Variants in IL12RB2 observed in about 807,000 individuals in gnomAD.
IL12RB2 encodes interleukin-12 receptor subunit beta-2.
IL12RB2 carries 82 observed loss-of-function variants against 89.4 expected under a neutral mutation model. The observed-to-expected ratio is 0.92, with a 90% CI of 0.77 to 1.10. The LOEUF is 1.10. Among genes scored for constraint, IL12RB2 ranks in the 50% least tolerant of loss-of-function variants. The pLI, the probability that IL12RB2 is intolerant of heterozygous loss-of-function variation, is 0.00. For synonymous variants in IL12RB2, 368 were observed against 370.1 expected (o/e 0.99, Z 0.07); for missense variants, 963 against 1,031.9 (o/e 0.93, Z 0.92).
chr1:67,351,446 C>G (rs1394810851), intron 10 of IL12RB2, among the ~76,000 whole-genome samples: 1 of 152,092 alleles, frequency 6.6e-6, no homozygotes, highest in Non-Finnish European at 1.5e-5. Context: ...TTTATAGAAG[C>G]AGGAGAAATA....
intron 10 of IL12RB2, among the ~76,000 whole-genome samples, chr1:67,365,366 A>T (rs1260454167): frequency 6.6e-6 from 1 of 152,188 alleles, no homozygotes; most frequent in Non-Finnish European, 1.5e-5. Flanking sequence ...CTTTAAAAAG[A>T]TCAATAAAAT....
chr1:67,371,287 T>G (rs957585947), intron 11 of IL12RB2, among the ~76,000 whole-genome samples: 7 of 152,246 alleles, frequency 4.6e-5, no homozygotes, highest in African/African-American at 1.7e-4. Flanking sequence ...TGGTCTCTTC[T>G]GACAGCACTG....
intron 9 of IL12RB2, among the ~76,000 whole-genome samples, chr1:67,341,554 AG>A (rs1226187851): frequency 0.1 from 1,571 of 15,576 alleles, 13 homozygotes; most frequent in Non-Finnish European, 0.1. Flanking sequence ...AAAGAAAGAA[AG>A]AAAGAAAGAA....
chr1:67,309,818 A>G (rs1377907147), intron 1 of IL12RB2, among the ~76,000 whole-genome samples: 1 of 152,118 alleles, frequency 6.6e-6, no homozygotes, highest in East Asian at 1.9e-4. Context: ...TTTGTTCTCT[A>G]CCAAATTATT....
At chr1:67,349,866 C>T (rs1448030866) in intron 9 of IL12RB2, among the ~76,000 whole-genome samples, 2 of 152,200 alleles carry the variant, frequency 1.3e-5, no homozygotes, top group Admixed American at 1.3e-4. Flanking sequence ...CCAATTTATT[C>T]ACTTAAAGTG....
At chr1:67,366,931 A>G (rs939759308) in intron 10 of IL12RB2, among the ~76,000 whole-genome samples, 1 of 152,224 alleles carries the variant, frequency 6.6e-6, no homozygotes, top group African/African-American at 2.4e-5. Flanking sequence ...AAAAAGAAAA[A>G]GCATTAGATT....
chr1:67,350,864 T>C lies in IL12RB2; in HGVS notation c.1039-6T>C, dbSNP rs375254411. 28 of 1,613,818 alleles carry C rather than the reference T, an allele frequency of 1.7e-5. No homozygotes were observed. The African/African-American group carries it at 3.7e-4, about 22-fold the overall frequency. On this transcript the variant is annotated splice_polypyrimidine_tract_variant and splice_region_variant and intron_variant, in intron 9 of 16. Transcript: ENST00000674203. ...GTAAATAGTGAATAAATGTGTCTTG[T>C]TGCAGAATCTGAGTGTCTCAGAGGC... is the stretch of plus-strand genomic sequence containing the variant.
chr1:67,308,301 G>A (rs895292658), intron 1 of IL12RB2, among the ~76,000 whole-genome samples: 11 of 151,974 alleles, frequency 7.2e-5, no homozygotes, highest in African/African-American at 2.7e-4. Flanking sequence ...GGCTCAAACG[G>A]AAGGGAGGGG....
chr1:67,389,989 T>TA (rs1557480105), intron 15 of IL12RB2, 40 bp from the exon 16 acceptor site: 4 of 889,554 alleles, frequency 4.5e-6, no homozygotes, highest in Non-Finnish European at 7.7e-6. Context: ...TGCCACTGTG[T>TA]GCACACCTAA....
intron 4 of IL12RB2, among the ~76,000 whole-genome samples, chr1:67,323,472 G>A (rs751751581): frequency 6.6e-6 from 1 of 152,280 alleles, no homozygotes; most frequent in Middle Eastern, 3.4e-3. Flanking sequence ...AATGGTCATA[G>A]TAATTAGAAG....
intron 6 of IL12RB2, among the ~76,000 whole-genome samples, chr1:67,328,675 G>A (rs1324082573): frequency 6.6e-6 from 1 of 152,182 alleles, no homozygotes; most frequent in Non-Finnish European, 1.5e-5. Context: ...CCTGACTGAG[G>A]AGAGGGTCCT....
intron 10 of IL12RB2, among the ~76,000 whole-genome samples, chr1:67,354,580 T>C (rs563668942): frequency 6.6e-6 from 1 of 152,242 alleles, no homozygotes; most frequent in African/African-American, 2.4e-5. Flanking sequence ...GTCTTAGAAG[T>C]GCTGGAATCT....
chr1:67,378,954 T>C lies in IL12RB2; in HGVS notation c.1718-1032T>C, dbSNP rs545839114. On this transcript the variant is annotated intron_variant, in intron 13 of 16. Transcript: ENST00000674203. ...GGCTCACGCCTATAATCCCAGCACT[T>C]TGGGAGGCTGAGGTGGGCAGATCAC... is the stretch of plus-strand genomic sequence containing the variant. 2.0e-5 allele frequency among the ~76,000 whole-genome samples: 3 copies of C among 152,060 alleles called. No homozygotes were observed. In the East Asian group the frequency reaches 5.8e-4, roughly 29 times the overall value.
Position 67,329,863 on chromosome 1 carries a change from G to A in IL12RB2, c.807+134G>A, listed in dbSNP as rs181692327. On this transcript the variant is annotated intron_variant, in intron 7 of 16. Coordinates refer to ENST00000674203, the MANE Select transcript of IL12RB2 (RefSeq NM_001374259.2). ...AAAAGTACACACGAGAGAATTATCA[G>A]AAAGTCATGTATGCCTCTGTTGATT... The A allele has an allele frequency of 2.9e-3, 2,103 of 729,326 alleles. 29 individuals are homozygous for A. Among genetic ancestry groups the A allele is most frequent in the Admixed American group, 2.1e-3 (108 of 51,176 alleles). The allele number at this position is 729,326 out of a possible 1,614,324, so 45.2% of individuals were successfully genotyped here.
Position 67,395,559 on chromosome 1 carries a change from C to A in IL12RB2, c.2059C>A (p.Leu687Met), listed in dbSNP as rs142761711. The change falls in exon 17 of 17, where the codon CTG becomes ATG. Residue 687 changes from leucine to methionine, a missense_variant. Transcript: ENST00000674203. ...KYPIAEEKTQ[L>M]PLDRLLIDWP... ...TCCTTTCTCTCAGGAGAAGACACAG[C>A]TGCCCTTGGACAGGCTCCTGATAGA... is the stretch of plus-strand genomic sequence containing the variant. The A allele has an allele frequency of 2.5e-6, 4 of 1,614,134 alleles. No homozygotes were observed. The highest frequency in any genetic ancestry group is 1.3e-5 in the African/African-American group (1 of 74,952).
intron 14 of IL12RB2, among the ~76,000 whole-genome samples, chr1:67,385,617 G>C (rs935017162): frequency 1.3e-5 from 2 of 152,186 alleles, no homozygotes; most frequent in Non-Finnish European, 2.9e-5. Context: ...ACCTAACAGA[G>C]CCTGTTACCT....
chr1:67,351,185 G>A lies in IL12RB2; in HGVS notation c.1258+96G>A. On this transcript the variant is annotated intron_variant, in intron 10 of 16. Coordinates refer to ENST00000674203, the MANE Select transcript of IL12RB2 (RefSeq NM_001374259.2). ...CCCAACCCAGGACCTAAAATGAGTA[G>A]CTAGGAGTTCAGGCTTTGGAGTCAA... 4 of 1,555,018 alleles carry A rather than the reference G, an allele frequency of 2.6e-6. No homozygotes were observed. The South Asian group carries it at 4.7e-5, about 18-fold the overall frequency.
intron 5 of IL12RB2, among the ~76,000 whole-genome samples, chr1:67,327,755 C>T (rs1657523459): frequency 6.6e-6 from 1 of 152,108 alleles, no homozygotes; most frequent in Admixed American, 6.5e-5. Context: ...CTTTTTCTAA[C>T]CTAAAGGAAA....
chr1:67,351,224 C>T (rs1660800570), intron 10 of IL12RB2, 135 bp downstream of exon 10: 1 of 1,439,424 alleles, frequency 6.9e-7, no homozygotes, highest in African/African-American at 1.4e-5. Context: ...CTTTCAGAGG[C>T]TTTTTTTTTC....
Sources: gnomAD v4.1 joint callset for allele counts (sites outside exome capture counted in the v4.1 genomes callset) on GRCh38, gnomAD v4.1.1 for gene constraint, MANE v1.5 for transcripts, NCBI Gene and HGNC (gene_info 2026-07-23, HGNC 2026-07-21) for gene names.